LSAMP: variants seen among roughly 807,000 people sequenced by gnomAD.
LSAMP encodes the protein limbic system associated membrane protein.
Under a neutral mutation model 38.6 loss-of-function variants are expected in LSAMP, and 7 were observed. That is an observed-to-expected ratio of 0.18 (90% CI 0.10 to 0.34). The LOEUF (loss-of-function observed/expected upper bound fraction) is 0.34. LSAMP is among the 10% of genes least tolerant of loss of function. LSAMP has a pLI of 1.00. For synonymous variants in LSAMP, 154 were observed against 166.8 expected (o/e 0.92, Z 0.59); for missense variants, 313 against 420.0 (o/e 0.75, Z 2.23).
intron 2 of LSAMP, among the ~76,000 whole-genome samples, chr3:116,053,651 T>A (rs1418436030): frequency 6.6e-6 from 1 of 152,146 alleles, no homozygotes; most frequent in East Asian, 1.9e-4. Context: ...ACAAGTAGTT[T>A]GATACGACTG....
intron 6 of LSAMP, among the ~76,000 whole-genome samples, chr3:115,829,092 G>A (rs748434539): frequency 9.9e-5 from 15 of 152,160 alleles, no homozygotes; most frequent in Admixed American, 3.3e-4. Context: ...AGCCCTTGTT[G>A]AACATTTAAA....
intron 3 of LSAMP, among the ~76,000 whole-genome samples, chr3:115,997,643 T>C (rs556989359): frequency 2.1e-5 from 3 of 145,342 alleles, no homozygotes; most frequent in South Asian, 2.2e-4. Flanking sequence ...CTTGGTAAGC[T>C]TGGGGAATAC....
At chr3:116,256,468 T>A (rs75027516) in intron 1 of LSAMP, among the ~76,000 whole-genome samples, 2,934 of 152,312 alleles carry the variant, frequency 0.019, 77 homozygotes, top group African/African-American at 0.065. Flanking sequence ...CTTTTGATAG[T>A]GTGATTTGCA....
At chr3:116,144,808 C>A (rs1179748121) in intron 1 of LSAMP, among the ~76,000 whole-genome samples, 2 of 151,760 alleles carry the variant, frequency 1.3e-5, no homozygotes, top group Admixed American at 1.3e-4. Context: ...TTGTTTCAAA[C>A]TTTCTATGTT....
At chr3:116,111,551 G>A (rs969524210) in intron 1 of LSAMP, among the ~76,000 whole-genome samples, 1 of 152,070 alleles carries the variant, frequency 6.6e-6, no homozygotes, top group Non-Finnish European at 1.5e-5. Flanking sequence ...CTTATCCTCT[G>A]CAAAAGTAGA....
chr3:116,071,056 T>A lies in LSAMP; in HGVS notation c.388+15268A>T, dbSNP rs754204925. On this transcript the variant is annotated intron_variant, in intron 2 of 6. Transcript: ENST00000490035. ...ACTCCATCTCAAAATAAATAAATAA[T>A]AAATAAATAAATAAATAAATAAATA... Among the ~76,000 whole-genome samples, 371 of 86,796 alleles carry A rather than the reference T, an allele frequency of 4.3e-3. 3 individuals are homozygous for A. The highest frequency in any genetic ancestry group is 0.018 in the Admixed American group (153 of 8,276). 56.9% of individuals were successfully genotyped at this position (86,796 alleles called of 152,430 possible).
At chr3:116,002,503 C>T (rs573623204) in intron 3 of LSAMP, among the ~76,000 whole-genome samples, 1 of 152,250 alleles carries the variant, frequency 6.6e-6, no homozygotes, top group South Asian at 2.1e-4. Context: ...ACCACATACC[C>T]CTACATCCCT....
At chr3:116,000,049 A>G (rs1939945374) in intron 3 of LSAMP, among the ~76,000 whole-genome samples, 1 of 152,206 alleles carries the variant, frequency 6.6e-6, no homozygotes, top group African/African-American at 2.4e-5. Flanking sequence ...ACAACAAAGA[A>G]GAAAGAGAGA....
intron 2 of LSAMP, among the ~76,000 whole-genome samples, chr3:116,028,844 G>A (rs905427140): frequency 2.0e-5 from 3 of 152,062 alleles, no homozygotes; most frequent in African/African-American, 7.2e-5. Flanking sequence ...ATTAATTGTG[G>A]CATTAACAAT....
chr3:115,810,513 AG>A (rs1933789696), intron 6 of LSAMP, 99 bp from the exon 7 acceptor site: 1 of 797,676 alleles, frequency 1.3e-6, no homozygotes, highest in African/African-American at 1.7e-5. Context: ...AGACCTGGCC[AG>A]GTACTAGCAT....
At chr3:116,264,340 T>C (rs1480112504) in intron 1 of LSAMP, among the ~76,000 whole-genome samples, 2 of 152,194 alleles carry the variant, frequency 1.3e-5, no homozygotes, top group African/African-American at 2.4e-5. Flanking sequence ...CTGGAATTGC[T>C]TGACTGCCAA....
At position 116,051,607 on chromosome 3, in the gene LSAMP, G is replaced by T. The variant is rs1179600383; in HGVS notation, c.389-31967C>A. Reference sequence around the variant, plus strand: ...GGCAATCCCTAAAGCCATCACCCTAGCTTTCTTACCCACTAGCTTTGGGCA... The same window carrying T: ...GGCAATCCCTAAAGCCATCACCCTATCTTTCTTACCCACTAGCTTTGGGCA... On this transcript the variant is annotated intron_variant, in intron 2 of 6. Coordinates refer to ENST00000490035, the MANE Select transcript of LSAMP (RefSeq NM_002338.5). Among the ~76,000 whole-genome samples the T allele has an allele frequency of 3.3e-5, 5 of 152,292 alleles. No individual in the cohort carries two copies. In the East Asian group the frequency reaches 9.6e-4, roughly 29 times the overall value.
At chr3:116,111,910 T>G (rs543189638) in intron 1 of LSAMP, among the ~76,000 whole-genome samples, 2 of 152,302 alleles carry the variant, frequency 1.3e-5, no homozygotes, top group South Asian at 2.1e-4. Flanking sequence ...GGTGGAGGCA[T>G]GTGAAAACCA....
intron 3 of LSAMP, among the ~76,000 whole-genome samples, chr3:115,933,293 A>T (rs924077781): frequency 1.9e-4 from 29 of 152,272 alleles, no homozygotes; most frequent in Middle Eastern, 3.4e-3. Flanking sequence ...GATACTGGAG[A>T]TTTGAAAGAC....
chr3:116,211,348 C>G (rs2046153708), intron 1 of LSAMP, among the ~76,000 whole-genome samples: 1 of 152,098 alleles, frequency 6.6e-6, no homozygotes, highest in Non-Finnish European at 1.5e-5. Context: ...TAAGTGTTCT[C>G]TCCACAAATA....
At chr3:116,330,556 C>A (rs978290339) in intron 1 of LSAMP, among the ~76,000 whole-genome samples, 10 of 152,206 alleles carry the variant, frequency 6.6e-5, no homozygotes, top group Middle Eastern at 3.4e-3. Flanking sequence ...GCTCCCCCCC[C>A]CACAACCTTT....
At chr3:116,334,065 T>C (rs934900856) in intron 1 of LSAMP, among the ~76,000 whole-genome samples, 1 of 151,942 alleles carries the variant, frequency 6.6e-6, no homozygotes, top group African/African-American at 2.4e-5. Context: ...GTGGGGACAT[T>C]ACTATTGATT....
intron 1 of LSAMP, among the ~76,000 whole-genome samples, chr3:116,216,422 T>C (rs1191572477): frequency 6.6e-6 from 1 of 152,194 alleles, no homozygotes; most frequent in Non-Finnish European, 1.5e-5. Context: ...CTGAGCAGTG[T>C]ACATCTTGTA....
intron 4 of LSAMP, among the ~76,000 whole-genome samples, chr3:115,846,267 A>G (rs1935155822): frequency 1.3e-5 from 2 of 152,136 alleles, no homozygotes; most frequent in African/African-American, 4.8e-5. Flanking sequence ...TTGTCAAAGG[A>G]CTCTTCCAGT....
Sources: gnomAD v4.1 joint callset for allele counts (sites outside exome capture counted in the v4.1 genomes callset) on GRCh38, gnomAD v4.1.1 for gene constraint, MANE v1.5 for transcripts, NCBI Gene and HGNC (gene_info 2026-07-23, HGNC 2026-07-21) for gene names.